Variants in RNLS observed in about 807,000 individuals in gnomAD.
RNLS encodes the protein renalase.
A neutral mutation model predicts 39.8 loss-of-function variants in RNLS; 39 were observed. The observed-to-expected ratio is 0.98, with a 90% confidence interval of 0.76 to 1.28. The LOEUF (loss-of-function observed/expected upper bound fraction) is 1.28. RNLS is among the 50% of genes most tolerant of loss of function. The pLI is 0.00. For synonymous variants in RNLS, 147 were observed against 150.7 expected (o/e 0.98, Z 0.18); for missense variants, 410 against 413.3 (o/e 0.99, Z 0.07).
chr10:88,378,184 G>T (rs985444452), intron 4 of RNLS, among the ~76,000 whole-genome samples: 1 of 151,796 alleles, frequency 6.6e-6, no homozygotes, highest in Non-Finnish European at 1.5e-5. Context: ...TGAAGGAACT[G>T]CCTGAGGCCA....
intron 4 of RNLS, among the ~76,000 whole-genome samples, chr10:88,389,196 T>C (rs1852049133): frequency 6.6e-6 from 1 of 152,214 alleles, no homozygotes; most frequent in Non-Finnish European, 1.5e-5. Flanking sequence ...TTACTAAAGA[T>C]GGCTATTTTG....
the RNLS span, among the ~76,000 whole-genome samples, chr10:88,176,267 C>T: frequency 2.0e-5 from 3 of 152,054 alleles, no homozygotes. Flanking sequence ...CTCTGCCTCC[C>T]AGGTTCAAGA....
At chr10:88,180,387 T>C in the RNLS span, among the ~76,000 whole-genome samples, 2 of 152,146 alleles carry the variant, frequency 1.3e-5, no homozygotes, top group African/African-American at 4.8e-5. Flanking sequence ...ATTGGGACAC[T>C]GGGATAAAGA....
chr10:88,286,336 C>A lies in RNLS; in HGVS notation c.877-830G>T, dbSNP rs373356334. Among the ~76,000 whole-genome samples the A allele has an allele frequency of 5.3e-5, 8 of 151,908 alleles. No homozygotes were observed. The East Asian group carries it at 1.5e-3, about 29-fold the overall frequency. Reference sequence around the variant, plus strand: ...ACCCCAAAGCAGTCTTTTTAAACAGCTTTTTATTTTCATATCTGAAAGTAT... The same window carrying A: ...ACCCCAAAGCAGTCTTTTTAAACAGATTTTTATTTTCATATCTGAAAGTAT... On this transcript the variant is annotated intron_variant, in intron 6 of 6. Transcript: ENST00000331772.
At chr10:88,436,545 T>C (rs899308096) in intron 4 of RNLS, among the ~76,000 whole-genome samples, 5 of 152,174 alleles carry the variant, frequency 3.3e-5, no homozygotes, top group Non-Finnish European at 7.4e-5. Flanking sequence ...CCATTTAATA[T>C]GTATATTGGG....
chr10:88,580,292 C>T (rs970134808), intron 3 of RNLS, among the ~76,000 whole-genome samples: 1 of 152,156 alleles, frequency 6.6e-6, no homozygotes, highest in Non-Finnish European at 1.5e-5. Flanking sequence ...AACATACCAT[C>T]TATATACTGA....
At chr10:88,489,628 C>T (rs957917109) in intron 4 of RNLS, among the ~76,000 whole-genome samples, 1 of 152,170 alleles carries the variant, frequency 6.6e-6, no homozygotes, top group Non-Finnish European at 1.5e-5. Context: ...TTTGAGTCCC[C>T]CATTTTCTCA....
intron 4 of RNLS, among the ~76,000 whole-genome samples, chr10:88,404,406 A>C (rs1216820287): frequency 6.6e-6 from 1 of 152,062 alleles, no homozygotes; most frequent in Admixed American, 6.6e-5. Context: ...CAATTCAGAT[A>C]TTACCACCTC....
the RNLS span, among the ~76,000 whole-genome samples, chr10:88,199,299 G>A: frequency 6.6e-6 from 1 of 152,058 alleles, no homozygotes; most frequent in South Asian, 2.1e-4. Context: ...TGCCTTCTTT[G>A]GGTGTGGCCT....
chr10:88,193,147 C>G, the RNLS span, among the ~76,000 whole-genome samples: 1 of 152,122 alleles, frequency 6.6e-6, no homozygotes, highest in Admixed American at 6.6e-5. Context: ...TTACCTGTCA[C>G]CCACAACTTA....
chr10:88,304,941 G>A (rs1263222479), intron 6 of RNLS, among the ~76,000 whole-genome samples: 1 of 152,148 alleles, frequency 6.6e-6, no homozygotes, highest in Non-Finnish European at 1.5e-5. Context: ...GGCAGCAAGA[G>A]AGGAAGGTCA....
intron 4 of RNLS, among the ~76,000 whole-genome samples, chr10:88,403,613 C>T (rs574609416): frequency 6.6e-6 from 1 of 151,904 alleles, no homozygotes; most frequent in South Asian, 2.1e-4. Flanking sequence ...TTTGCACACA[C>T]TTGAAGATTT....
At chr10:88,235,041 C>T in the RNLS span, among the ~76,000 whole-genome samples, 3 of 151,836 alleles carry the variant, frequency 2.0e-5, no homozygotes, top group Non-Finnish European at 4.4e-5. Flanking sequence ...GCGGGTGGAT[C>T]ACAAGGTCAG....
the RNLS span, among the ~76,000 whole-genome samples, chr10:88,234,197 A>G: frequency 1.3e-5 from 2 of 151,584 alleles, no homozygotes. Flanking sequence ...AAAGAGGAAG[A>G]GAGAGAGAGG....
At chr10:88,498,477 A>T (rs571553310) in intron 4 of RNLS, among the ~76,000 whole-genome samples, 1 of 150,510 alleles carries the variant, frequency 6.6e-6, no homozygotes, top group Non-Finnish European at 1.5e-5. Flanking sequence ...TGAAGCAGAA[A>T]AAGTTTTTTT....
Position 88,284,739 on chromosome 10 carries a change from G to C in RNLS, c.*615C>G, listed in dbSNP as rs1284925652. 1 of 985,214 alleles carries C rather than the reference G, an allele frequency of 1.0e-6. No individual in the cohort carries two copies. Among genetic ancestry groups the C allele is most frequent in the African/African-American group, 1.7e-5 (1 of 57,208 alleles). The allele number at this position is 985,214 out of a possible 1,614,324, so 61.0% of individuals were successfully genotyped here. A position where few individuals can be genotyped will look rare whatever the true frequency, so the allele number is the denominator to read the frequency against. ...ACTGTGTGGCTGGGAAAATCATGTG[G>C]AATCTTATACTTTCTGAAAATCTGA... is the stretch of plus-strand genomic sequence containing the variant. On this transcript the variant is annotated 3_prime_UTR_variant, in exon 7 of 7. Coordinates refer to ENST00000331772, the MANE Select transcript of RNLS (RefSeq NM_001031709.3).
intron 4 of RNLS, among the ~76,000 whole-genome samples, chr10:88,571,731 G>A (rs1849851281): frequency 6.6e-6 from 1 of 152,120 alleles, no homozygotes; most frequent in South Asian, 2.1e-4. Flanking sequence ...ACTTAGTACA[G>A]GAATTTTAGC....
At chr10:88,362,758 A>G in intron 4 of RNLS, 33 bp from the exon 5 acceptor site, 1 of 1,596,550 alleles carries the variant, frequency 6.3e-7, no homozygotes, top group Non-Finnish European at 8.5e-7. Context: ...CATCAAACTT[A>G]AAAATACCAT....
intron 4 of RNLS, among the ~76,000 whole-genome samples, chr10:88,528,538 T>C (rs1847239731): frequency 6.6e-6 from 1 of 152,068 alleles, no homozygotes; most frequent in South Asian, 2.1e-4. Flanking sequence ...AAACTAGTCC[T>C]GAGAGTAGTA....
Sources: gnomAD v4.1 joint callset for allele counts (sites outside exome capture counted in the v4.1 genomes callset) on GRCh38, gnomAD v4.1.1 for gene constraint, MANE v1.5 for transcripts, NCBI Gene and HGNC (gene_info 2026-07-23, HGNC 2026-07-21) for gene names.